FGF14: variants seen among roughly 807,000 people sequenced by gnomAD.
The protein encoded by FGF14 is fibroblast growth factor homologous factor 4.
Under a neutral mutation model 25.5 loss-of-function variants are expected in FGF14, and 5 were observed. The observed-to-expected ratio is 0.20, with a 90% CI of 0.10 to 0.41. The LOEUF (loss-of-function observed/expected upper bound fraction) is 0.41. Among genes scored for constraint, FGF14 ranks in the 10% least tolerant of loss-of-function variants. The pLI is 1.00. For synonymous variants in FGF14, 138 were observed against 118.3 expected (o/e 1.17, Z -1.08); for missense variants, 222 against 320.1 (o/e 0.69, Z 2.34).
intron 3 of FGF14, among the ~76,000 whole-genome samples, chr13:101,863,421 T>TAAGCACATGCACTGCCTGGTAGCAAAC (rs1370665054): frequency 5.9e-5 from 9 of 152,158 alleles, no homozygotes; most frequent in African/African-American, 2.2e-4. Flanking sequence ...TTTATTTGAT[T>TAAGCACATGCACTGCCTGGTAGCAAAC]AAGCACATGC....
chr13:102,259,982 G>C (rs759941546), intron 1 of FGF14, among the ~76,000 whole-genome samples: 1 of 152,270 alleles, frequency 6.6e-6, no homozygotes, highest in African/African-American at 2.4e-5. Context: ...CCACGTTCCC[G>C]ACACCCTTTC....
At chr13:102,216,993 C>A (rs756086475) in intron 1 of FGF14, among the ~76,000 whole-genome samples, 6 of 152,126 alleles carry the variant, frequency 3.9e-5, no homozygotes, top group Non-Finnish European at 7.4e-5. Flanking sequence ...GGATTTCATT[C>A]TTTCTTATGA....
intron 1 of FGF14, among the ~76,000 whole-genome samples, chr13:102,230,435 A>T (rs1295962254): frequency 1.3e-5 from 2 of 152,202 alleles, no homozygotes; most frequent in Non-Finnish European, 2.9e-5. Flanking sequence ...GCAATTACAA[A>T]GTAAAATAAA....
chr13:101,812,790 C>T (rs2041645817), intron 3 of FGF14, among the ~76,000 whole-genome samples: 1 of 149,720 alleles, frequency 6.7e-6, no homozygotes, highest in South Asian at 2.1e-4. Context: ...CCTCAGCCTC[C>T]TGAGTAGCTG....
intron 1 of FGF14, among the ~76,000 whole-genome samples, chr13:102,386,347 G>T (rs2058302620): frequency 6.6e-6 from 1 of 151,948 alleles, no homozygotes; most frequent in South Asian, 2.1e-4. Context: ...TGCCAGGCTG[G>T]TCTCGAACCC....
intron 1 of FGF14, among the ~76,000 whole-genome samples, chr13:102,218,809 C>A (rs761971484): frequency 6.6e-6 from 1 of 151,998 alleles, no homozygotes; most frequent in Non-Finnish European, 1.5e-5. Context: ...GTAATATAAA[C>A]CTGTACACTC....
chr13:102,390,305 C>T (rs2058403611), intron 1 of FGF14, among the ~76,000 whole-genome samples: 1 of 152,134 alleles, frequency 6.6e-6, no homozygotes, highest in South Asian at 2.1e-4. Flanking sequence ...ATACATCAAG[C>T]TATAAAGTTA....
At chr13:102,295,968 G>GA (rs997725596) in intron 1 of FGF14, among the ~76,000 whole-genome samples, 3 of 151,654 alleles carry the variant, frequency 2.0e-5, no homozygotes, top group African/African-American at 4.8e-5. Flanking sequence ...AACTATAGAA[G>GA]AAAAAAAACA....
At chr13:101,875,121 A>C in intron 2 of FGF14, 65 bp downstream of exon 2, 1 of 1,072,732 alleles carries the variant, frequency 9.3e-7, no homozygotes, top group South Asian at 1.3e-5. Context: ...AATCTTAAAA[A>C]GTCATTTAAG....
intron 1 of FGF14, among the ~76,000 whole-genome samples, chr13:101,915,843 G>C (rs946466511): frequency 1.3e-5 from 2 of 152,232 alleles, no homozygotes; most frequent in African/African-American, 2.4e-5. Flanking sequence ...GGATTTGACT[G>C]AAGGGCTGCA....
chr13:102,068,372 G>A (rs561465473), intron 1 of FGF14, among the ~76,000 whole-genome samples: 59 of 152,364 alleles, frequency 3.9e-4, no homozygotes, highest in Admixed American at 3.3e-3. Context: ...CCACTTTGGC[G>A]GCACTTGAGG....
chr13:102,023,023 A>G lies in FGF14; in HGVS notation c.209-147727T>C, dbSNP rs191069593. 3.4e-3 allele frequency among the ~76,000 whole-genome samples: 511 copies of G among 148,152 alleles called. 5 individuals carry two copies. The highest frequency in any genetic ancestry group is 1.9e-3 in the Non-Finnish European group (130 of 67,216). The stretch of plus-strand genomic sequence containing the variant: ...TACAGTCAATTAGGAAAACTGTACA[A>G]AAGTAGTAAAATATTTTCGGACACA... On this transcript the variant is annotated intron_variant, in intron 1 of 4. Transcript: ENST00000376131.
At chr13:101,843,720 T>C (rs1037054356) in intron 3 of FGF14, among the ~76,000 whole-genome samples, 32 of 151,972 alleles carry the variant, frequency 2.1e-4, no homozygotes, top group African/African-American at 7.7e-4. Flanking sequence ...TCAGTGAACG[T>C]GGACTTTCTC....
chr13:102,274,423 A>G (rs1421070714), intron 1 of FGF14, among the ~76,000 whole-genome samples: 2 of 152,170 alleles, frequency 1.3e-5, no homozygotes, highest in African/African-American at 4.8e-5. Flanking sequence ...GAATTTTATT[A>G]GTTATTTATT....
At chr13:102,051,992 TAGAG>T (rs1376877074) in intron 1 of FGF14, among the ~76,000 whole-genome samples, 1 of 151,814 alleles carries the variant, frequency 6.6e-6, no homozygotes, top group Admixed American at 6.6e-5. Context: ...TTCAAGAAAA[TAGAG>T]AAACAATTCA....
chr13:102,244,388 G>T (rs1228972536), intron 1 of FGF14, among the ~76,000 whole-genome samples: 1 of 151,086 alleles, frequency 6.6e-6, no homozygotes, highest in African/African-American at 2.4e-5. Context: ...GTTTCCTAGG[G>T]TTCTACTTTT....
In FGF14 at chr13:101,890,393, G is replaced by A. The variant is rs530209042; in HGVS notation, c.194-15097C>T. ...AAACGGACTAACGCTGACTGCCCAG[G>A]ACTTGTAAAAACCTTTCTGTCTGCT... On this transcript the variant is annotated intron_variant, in intron 1 of 4. Coordinates refer to ENST00000376143, the MANE Select transcript of FGF14 (RefSeq NM_004115.4). Among the ~76,000 whole-genome samples, 9 of 152,134 alleles carry A rather than the reference G, an allele frequency of 5.9e-5. No individual in the cohort carries two copies. The East Asian group carries it at 1.7e-3, about 29-fold the overall frequency.
At chr13:102,040,959 T>C (rs1202692077) in intron 1 of FGF14, among the ~76,000 whole-genome samples, 1 of 152,062 alleles carries the variant, frequency 6.6e-6, no homozygotes, top group African/African-American at 2.4e-5. Flanking sequence ...TAATCACAGA[T>C]TGGTGCACCT....
At chr13:102,344,740 A>T (rs1395528040) in intron 1 of FGF14, among the ~76,000 whole-genome samples, 1 of 152,226 alleles carries the variant, frequency 6.6e-6, no homozygotes, top group East Asian at 1.9e-4. Flanking sequence ...ATGAGGTTCA[A>T]AGAAGGTTTC....
Sources: allele counts gnomAD v4.1 joint callset (sites outside exome capture counted in the v4.1 genomes callset), GRCh38; gene constraint gnomAD v4.1.1; transcripts MANE v1.5; gene names NCBI Gene and HGNC (gene_info 2026-07-23, HGNC 2026-07-21).